JCAD: variants seen among roughly 807,000 people sequenced by gnomAD.
The protein encoded by JCAD is junctional cadherin 5 associated, also known as junctional cadherin 5-associated protein.
Under a neutral mutation model 98.0 loss-of-function variants are expected in JCAD, and 40 were observed. The ratio of observed to expected loss-of-function variants is 0.41; its 90% CI spans 0.32 to 0.53. The LOEUF is 0.53. Among genes scored for constraint, JCAD ranks in the 20% least tolerant of loss-of-function variants. The pLI, the probability that JCAD is intolerant of heterozygous loss-of-function variation, is 0.31. For missense variants in JCAD, 1,705 were observed against 1,738.1 expected, an observed-to-expected ratio of 0.98 and a Z score of 0.34; for synonymous variants, 691 against 682.3, an observed-to-expected ratio of 1.01 and a Z score of -0.20.
intron 1 of JCAD, among the ~76,000 whole-genome samples, chr10:30,071,956 C>G (rs1052750816): frequency 6.6e-6 from 1 of 152,112 alleles, no homozygotes; most frequent in Non-Finnish European, 1.5e-5. Context: ...ATTATAAGCT[C>G]CACTCACTCG....
At chr10:30,061,657 G>A (rs1020550492), upstream of JCAD, among the ~76,000 whole-genome samples, 1 of 152,058 alleles carries the variant, frequency 6.6e-6, no homozygotes, top group Non-Finnish European at 1.5e-5. Flanking sequence ...CAAGTGGATT[G>A]TGGCTAGGGA....
intron 1 of JCAD, among the ~76,000 whole-genome samples, chr10:30,111,103 T>G (rs1349787173): frequency 6.6e-6 from 1 of 152,114 alleles, no homozygotes; most frequent in African/African-American, 2.4e-5. Context: ...ACCTGATATA[T>G]GGACTGGTTG....
intron 2 of JCAD, among the ~76,000 whole-genome samples, chr10:30,036,405 C>T (rs1199016066): frequency 6.6e-6 from 1 of 151,500 alleles, no homozygotes; most frequent in Non-Finnish European, 1.5e-5. Flanking sequence ...GCTGAGATTG[C>T]ACCACTGCAC....
chr10:30,072,063 A>G (rs573500011), intron 1 of JCAD, among the ~76,000 whole-genome samples: 1 of 152,202 alleles, frequency 6.6e-6, no homozygotes, highest in Non-Finnish European at 1.5e-5. Flanking sequence ...TGCTTTTTTA[A>G]AAAACCTGAA....
intron 1 of JCAD, chr10:30,115,321 A>C (rs1838773307): frequency 2.6e-5 from 4 of 152,202 alleles, no homozygotes; most frequent in Admixed American, 2.0e-4. Flanking sequence ...CTATTTTCTT[A>C]ATCATCCTTT....
At chr10:30,085,702 A>T (rs1036854234) in intron 1 of JCAD, among the ~76,000 whole-genome samples, 1 of 152,314 alleles carries the variant, frequency 6.6e-6, no homozygotes, top group South Asian at 2.1e-4. Context: ...GGTTGAGCCT[A>T]AAAAAGTGGC....
chr10:30,080,876 A>G (rs1412052375), intron 1 of JCAD, among the ~76,000 whole-genome samples: 1 of 152,230 alleles, frequency 6.6e-6, no homozygotes, highest in Non-Finnish European at 1.5e-5. Flanking sequence ...CTTATGGTCA[A>G]ACAGCATCTT....
chr10:30,106,675 A>G (rs966079946), intron 1 of JCAD, among the ~76,000 whole-genome samples: 1 of 152,026 alleles, frequency 6.6e-6, no homozygotes, highest in Non-Finnish European at 1.5e-5. Context: ...TAATTTTTGT[A>G]TTTTTAGTAG....
At chr10:30,034,201 C>A (rs765654025) in intron 2 of JCAD, among the ~76,000 whole-genome samples, 3 of 151,338 alleles carry the variant, frequency 2.0e-5, no homozygotes, top group Admixed American at 1.3e-4. Flanking sequence ...CCAGCCTGGG[C>A]GACAGAGCAA....
chr10:30,103,701 A>C (rs1838510514), intron 1 of JCAD, among the ~76,000 whole-genome samples: 1 of 148,688 alleles, frequency 6.7e-6, no homozygotes, highest in South Asian at 2.1e-4. Flanking sequence ...ATAATAACCT[A>C]CTGATAATAA....
intron 3 of JCAD, among the ~76,000 whole-genome samples, chr10:30,019,195 A>G (rs1458264319): frequency 6.6e-6 from 1 of 151,942 alleles, no homozygotes; most frequent in Non-Finnish European, 1.5e-5. Context: ...ATCTATACTA[A>G]AAACACAAAA....
chr10:30,043,353 A>G (rs1837278615), intron 2 of JCAD, among the ~76,000 whole-genome samples: 1 of 152,196 alleles, frequency 6.6e-6, no homozygotes, highest in African/African-American at 2.4e-5. Flanking sequence ...AAAAAATTTT[A>G]CTAGATAGAG....
intron 1 of JCAD, among the ~76,000 whole-genome samples, chr10:30,083,896 A>C (rs1838125316): frequency 6.6e-6 from 1 of 152,054 alleles, no homozygotes; most frequent in South Asian, 2.1e-4. Context: ...ATAGTGGTAC[A>C]CACCTCTAGT....
chr10:30,060,810 T>C (rs561240924), upstream of JCAD, among the ~76,000 whole-genome samples: 3 of 152,158 alleles, frequency 2.0e-5, no homozygotes, highest in Non-Finnish European at 4.4e-5. Flanking sequence ...CGGGCACAGA[T>C]GGCAAGCTGC....
At chr10:30,106,577 C>T (rs187026289) in intron 1 of JCAD, among the ~76,000 whole-genome samples, 1 of 152,096 alleles carries the variant, frequency 6.6e-6, no homozygotes, top group Non-Finnish European at 1.5e-5. Flanking sequence ...CTCGGCTTAC[C>T]GCAACCTCTG....
chr10:30,040,065 T>C (rs1837209833), intron 2 of JCAD, among the ~76,000 whole-genome samples: 1 of 152,134 alleles, frequency 6.6e-6, no homozygotes, highest in East Asian at 1.9e-4. Flanking sequence ...GGGAAGGGGG[T>C]GCGGGTGGCA....
At chr10:30,068,390 CAA>C (rs34060997) in intron 2 of JCAD, among the ~76,000 whole-genome samples, 35 of 48,196 alleles carry the variant, frequency 7.3e-4, no homozygotes, top group African/African-American at 2.4e-3. Flanking sequence ...AACTCTGTCT[CAA>C]AAAAAAAAAA....
At chr10:30,051,576 A>C (rs1210341280) in intron 1 of JCAD, among the ~76,000 whole-genome samples, 1 of 152,216 alleles carries the variant, frequency 6.6e-6, no homozygotes, top group East Asian at 1.9e-4. Flanking sequence ...TAAAGAAAAA[A>C]AAAGTCCTAT....
intron 2 of JCAD, among the ~76,000 whole-genome samples, chr10:30,046,928 C>CA (rs955443148): frequency 6.6e-5 from 10 of 151,886 alleles, no homozygotes; most frequent in Admixed American, 6.6e-4. Context: ...TCTGTCTTTA[C>CA]AAAAAATAAA....
Sources: allele counts gnomAD v4.1 joint callset (sites outside exome capture counted in the v4.1 genomes callset), GRCh38; gene constraint gnomAD v4.1.1; transcripts MANE v1.5; gene names NCBI Gene and HGNC (gene_info 2026-07-23, HGNC 2026-07-21).